LRRC9: variants seen among roughly 807,000 people sequenced by gnomAD.
The protein encoded by LRRC9 is leucine rich repeat containing 9, also known as leucine-rich repeat-containing protein 9.
LRRC9 carries 122 observed loss-of-function variants against 63.2 expected under a neutral mutation model. The ratio of observed to expected loss-of-function variants is 1.93; its 90% CI spans 1.67 to 2.24. LRRC9 has a LOEUF of 2.24. LRRC9 is among the 30% of genes most tolerant of loss of function. The probability of loss-of-function intolerance (pLI) is 0.00; values close to 1 mark genes in which losing one functional copy is unlikely to be tolerated. For missense variants in LRRC9, 1,071 were observed against 627.7 expected, an observed-to-expected ratio of 1.71 and a Z score of -7.55; for synonymous variants, 366 against 213.1, an observed-to-expected ratio of 1.72 and a Z score of -6.25.
intron 4 of LRRC9, 48 bp downstream of exon 4, chr14:59,931,106 T>G (rs1185343605): frequency 3.0e-6 from 1 of 332,826 alleles, no homozygotes; most frequent in Non-Finnish European, 5.5e-6. Context: ...GTTACTACTG[T>G]AGAGTTTAAA....
chr14:59,948,438 A>G (rs1156909193), intron 8 of LRRC9, among the ~76,000 whole-genome samples: 3 of 138,474 alleles, frequency 2.2e-5, no homozygotes, highest in Non-Finnish European at 3.1e-5. Context: ...TAGATAAACA[A>G]TCATGTCATC....
chr14:59,944,410 TAA>T (rs939698349), intron 7 of LRRC9, among the ~76,000 whole-genome samples, 177 bp from the exon 8 acceptor site: 3 of 151,934 alleles, frequency 2.0e-5, no homozygotes, highest in African/African-American at 7.2e-5. Context: ...TATTTTGTAT[TAA>T]GTTTAAATAT....
chr14:59,993,499 T>C (rs1180917225), intron 17 of LRRC9, among the ~76,000 whole-genome samples: 2 of 152,160 alleles, frequency 1.3e-5, no homozygotes, highest in Non-Finnish European at 2.9e-5. Flanking sequence ...AATGCTCCAA[T>C]TAAAAGACAC....
At position 60,003,201 on chromosome 14, in the gene LRRC9, A is replaced by G. The variant is rs1889532536; in HGVS notation, c.2665-420A>G. On this transcript the variant is annotated intron_variant, in intron 20 of 31. Coordinates refer to ENST00000445360, the Ensembl canonical transcript of LRRC9. This position sits in a 1 kb window ranked among gnomAD's most constrained non-coding sequence, Gnocchi z 4.2. ...TAGTGGAGTTAGAATGGCCCTTTAA[A>G]TTTGTCCTAAGTTGGGCTGAGATGG... 1.3e-5 allele frequency among the ~76,000 whole-genome samples: 2 copies of G among 152,236 alleles called. No individual in the cohort carries two copies. The highest frequency in any genetic ancestry group is 4.1e-4 in the South Asian group (2 of 4,834).
chr14:60,043,868 T>A (rs1350961293), intron 29 of LRRC9, among the ~76,000 whole-genome samples: 1 of 149,944 alleles, frequency 6.7e-6, no homozygotes, highest in African/African-American at 2.5e-5. Context: ...TTTTAAAGGG[T>A]TTAAGTAGTT....
At chr14:60,018,509 C>G in intron 25 of LRRC9, 30 bp downstream of exon 25, 2 of 677,028 alleles carry the variant, frequency 3.0e-6, no homozygotes, top group Non-Finnish European at 5.4e-6. Context: ...TTCTTTCTTT[C>G]AAGGTTTCCA....
intron 6 of LRRC9, among the ~76,000 whole-genome samples, chr14:59,934,176 G>A (rs1043326622): frequency 6.6e-6 from 1 of 152,070 alleles, no homozygotes; most frequent in African/African-American, 2.4e-5. Flanking sequence ...GAGGAAAGAC[G>A]AGGAAGAAAT....
At chr14:59,985,924 G>T (rs997674219) in intron 17 of LRRC9, among the ~76,000 whole-genome samples, 5 of 151,898 alleles carry the variant, frequency 3.3e-5, no homozygotes, top group Non-Finnish European at 7.4e-5. Context: ...AATGTACTTT[G>T]GTGTAATTTC....
In LRRC9 at chr14:60,031,116, G is replaced by A. The variant is rs1891956237; in HGVS notation, c.3922-879G>A. ...GGCTTTGGTTCCACAGATAGAAACT[G>A]CTTGTGGGTAAAAATGCACAATATC... is the stretch of plus-strand genomic sequence containing the variant. On this transcript the variant is annotated intron_variant, in intron 28 of 31. Transcript: ENST00000445360. The surrounding 1 kb of genome is among the most constrained non-coding windows in gnomAD (Gnocchi z 4.6). Among the ~76,000 whole-genome samples, 1 of 151,994 alleles carries A rather than the reference G, an allele frequency of 6.6e-6. No individual in the cohort carries two copies. Among genetic ancestry groups the A allele is most frequent in the Non-Finnish European group, 1.5e-5 (1 of 67,918 alleles).
chr14:59,954,611 A>T (rs572247439), intron 8 of LRRC9, among the ~76,000 whole-genome samples: 5 of 152,208 alleles, frequency 3.3e-5, no homozygotes, highest in African/African-American at 1.2e-4. Flanking sequence ...GCAAACAGAG[A>T]CAATTTGACT....
At chr14:60,065,805 C>T (rs1022993946), downstream of LRRC9, among the ~76,000 whole-genome samples, 6 of 150,618 alleles carry the variant, frequency 4.0e-5, no homozygotes, top group Non-Finnish European at 5.9e-5. Flanking sequence ...GATTATATAA[C>T]TTGTTTTCAT....
chr14:59,967,273 G>A (rs1884957332), intron 12 of LRRC9, 60 bp downstream of exon 12: 2 of 503,840 alleles, frequency 4.0e-6, no homozygotes, highest in Non-Finnish European at 7.3e-6. Flanking sequence ...CTCTGCCGCT[G>A]GTTAAGCATG....
rs1445718443 is a variant in LRRC9 at position 59,962,466 on chromosome 14, C to A, written c.1211+1421C>A. 6.6e-6 allele frequency among the ~76,000 whole-genome samples: 1 copy of A among 151,776 alleles called. No individual in the cohort carries two copies. Among genetic ancestry groups the A allele is most frequent in the Non-Finnish European group, 1.5e-5 (1 of 67,980 alleles). ...TCCCCGAGACTGGAGTGCAGTGGCC[C>A]GATCTCAGCTCGCTGCAACCTCTGC... On this transcript the variant is annotated intron_variant, in intron 10 of 31. Transcript: ENST00000445360. The surrounding 1 kb of genome is among the most constrained non-coding windows in gnomAD (Gnocchi z 5.1).
intron 3 of LRRC9, 49 bp downstream of exon 3, chr14:59,928,535 T>A: frequency 1.9e-6 from 1 of 536,584 alleles, no homozygotes; most frequent in Non-Finnish European, 3.2e-6. Flanking sequence ...TCTGAATTAT[T>A]TGGCTTTAGA....
downstream of LRRC9, among the ~76,000 whole-genome samples, chr14:60,064,004 G>A (rs185033427): frequency 4.6e-3 from 698 of 152,202 alleles, 2 homozygotes; most frequent in Non-Finnish European, 7.5e-3. Flanking sequence ...CTAACCGTGG[G>A]TGCAACCAGT....
rs569952081 is a variant in LRRC9, at chr14:60,058,678, C to A, written c.4276+656C>A. On this transcript the variant is annotated intron_variant, in intron 31 of 31. Transcript: ENST00000445360. The surrounding 1 kb of genome is among the most constrained non-coding windows in gnomAD (Gnocchi z 4.4). ...GCAAAACTGGGGGTAAGTACTCCTT[C>A]TCTGAGGGCTCACCTCTTCCAGTCC... Among the ~76,000 whole-genome samples the A allele has an allele frequency of 2.0e-4, 31 of 152,252 alleles. No individual in the cohort carries two copies. Among genetic ancestry groups the A allele is most frequent in the African/African-American group, 6.5e-4 (27 of 41,548 alleles).
At chr14:59,931,323 A>G (rs529150013) in intron 4 of LRRC9, among the ~76,000 whole-genome samples, 1 of 152,256 alleles carries the variant, frequency 6.6e-6, no homozygotes, top group Non-Finnish European at 1.5e-5. Flanking sequence ...AGAGGTTTAG[A>G]TAAGTTACAT....
chr14:60,014,769 C>T (rs562942730), intron 23 of LRRC9, among the ~76,000 whole-genome samples: 1 of 151,956 alleles, frequency 6.6e-6, no homozygotes, highest in African/African-American at 2.4e-5. Context: ...CTGAGGTTTG[C>T]TTAGCTTCTT....
intron 16 of LRRC9, among the ~76,000 whole-genome samples, chr14:59,984,406 G>C (rs1367374574): frequency 6.6e-6 from 1 of 152,096 alleles, no homozygotes; most frequent in Non-Finnish European, 1.5e-5. Context: ...ATTGTCTTGT[G>C]CCCTTGTTTA....
Sources: allele counts gnomAD v4.1 joint callset (sites outside exome capture counted in the v4.1 genomes callset), GRCh38; gene constraint gnomAD v4.1.1; non-coding constraint Gnocchi (gnomAD v3.1); transcripts MANE v1.5; gene names NCBI Gene and HGNC (gene_info 2026-07-23, HGNC 2026-07-21).